Variants in VWA8 observed in about 807,000 individuals in gnomAD.
VWA8 encodes von Willebrand factor A domain containing 8, also known as von Willebrand factor A domain-containing protein 8.
A neutral mutation model predicts 241.5 loss-of-function variants in VWA8; 221 were observed. That is an observed-to-expected ratio of 0.91 (90% CI 0.82 to 1.02). The LOEUF is 1.02. Ranked by LOEUF, VWA8 falls within the 50% of genes least tolerant of loss-of-function variation. VWA8 has a pLI of 0.00. For missense variants in VWA8, 2,322 were observed against 2,328.7 expected, an observed-to-expected ratio of 1.00 and a Z score of 0.06; for synonymous variants, 852 against 827.1, an observed-to-expected ratio of 1.03 and a Z score of -0.52.
intron 12 of VWA8, among the ~76,000 whole-genome samples, chr13:41,862,099 ACC>A (rs1873033301): frequency 6.6e-6 from 1 of 152,144 alleles, no homozygotes; most frequent in Non-Finnish European, 1.5e-5. Context: ...AAAAACAGAT[ACC>A]TAGACCAATG....
chr13:41,864,157 A>G (rs1044370991), intron 12 of VWA8, among the ~76,000 whole-genome samples: 2 of 151,794 alleles, frequency 1.3e-5, no homozygotes, highest in Admixed American at 6.6e-5. Context: ...AAAAAAAAAA[A>G]AAGAAAGAAA....
chr13:41,795,820 A>C (rs1869673033), intron 17 of VWA8, among the ~76,000 whole-genome samples: 1 of 152,138 alleles, frequency 6.6e-6, no homozygotes, highest in Non-Finnish European at 1.5e-5. Flanking sequence ...GGAGAGCATC[A>C]GGAAGAATAG....
chr13:41,922,452 A>G (rs193007363), intron 2 of VWA8, among the ~76,000 whole-genome samples: 60 of 152,362 alleles, frequency 3.9e-4, no homozygotes, highest in East Asian at 9.6e-4. Flanking sequence ...ATTAAACTAA[A>G]TACCTTCTGC....
chr13:41,778,877 T>C (rs2137930615), intron 19 of VWA8, among the ~76,000 whole-genome samples: 1 of 137,666 alleles, frequency 7.3e-6, no homozygotes, highest in East Asian at 2.4e-4. Context: ...AGTCTTACTC[T>C]ATCGCCCAGG....
At chr13:41,834,633 G>T (rs538714742) in intron 12 of VWA8, among the ~76,000 whole-genome samples, 24 of 152,276 alleles carry the variant, frequency 1.6e-4, no homozygotes, top group African/African-American at 5.3e-4. Context: ...TACACTGTTG[G>T]GAGTGTAAAT....
intron 4 of VWA8, among the ~76,000 whole-genome samples, chr13:41,898,378 A>G (rs1875239322): frequency 6.6e-6 from 1 of 152,150 alleles, no homozygotes; most frequent in Non-Finnish European, 1.5e-5. Context: ...CCACCAGAGC[A>G]GCTAGATACA....
intron 2 of VWA8, among the ~76,000 whole-genome samples, chr13:41,940,797 C>A (rs1877562000): frequency 6.6e-6 from 1 of 152,104 alleles, no homozygotes; most frequent in African/African-American, 2.4e-5. Context: ...AGAAACAATG[C>A]AACAATTTAC....
intron 17 of VWA8, among the ~76,000 whole-genome samples, chr13:41,800,810 A>AAAC (rs1593780849): frequency 6.7e-6 from 1 of 150,246 alleles, no homozygotes; most frequent in African/African-American, 2.4e-5. Flanking sequence ...AAAAAAAAAA[A>AAAC]CACCGTGTTT....
In VWA8 at chr13:41,907,573, T is replaced by C. The variant is rs1421162122; in HGVS notation, c.483+13A>G. Reference sequence around the variant, plus strand: ...GAGTACACAGTCATGGGCTAGAGTGTGACAGAACTTGCCTGATCAATGTAA... The same window carrying C: ...GAGTACACAGTCATGGGCTAGAGTGCGACAGAACTTGCCTGATCAATGTAA... On this transcript the variant is annotated intron_variant, in intron 4 of 44. Coordinates refer to ENST00000379310, the MANE Select transcript of VWA8 (RefSeq NM_015058.2). 1.2e-6 allele frequency: 2 copies of C among 1,611,896 alleles called. No homozygotes were observed. The highest frequency in any genetic ancestry group is 1.7e-6 in the Non-Finnish European group (2 of 1,178,120).
chr13:41,882,676 C>T (rs1216841670), intron 9 of VWA8, among the ~76,000 whole-genome samples: 1 of 152,208 alleles, frequency 6.6e-6, no homozygotes, highest in East Asian at 1.9e-4. Context: ...TGGCGTCGCG[C>T]GCCTGCAATC....
At chr13:41,757,096 C>T (rs886731795) in intron 21 of VWA8, among the ~76,000 whole-genome samples, 1 of 151,436 alleles carries the variant, frequency 6.6e-6, no homozygotes, top group African/African-American at 2.4e-5. Context: ...ATATTTCCAA[C>T]TTTATCCATG....
chr13:41,789,496 T>C (rs1869356861), intron 17 of VWA8, among the ~76,000 whole-genome samples: 2 of 152,172 alleles, frequency 1.3e-5, no homozygotes, highest in Admixed American at 6.5e-5. Flanking sequence ...AAAGCTCTAG[T>C]CTCATTAGGT....
chr13:41,826,071 C>T (rs985524073), intron 14 of VWA8, among the ~76,000 whole-genome samples: 5 of 151,996 alleles, frequency 3.3e-5, no homozygotes, highest in African/African-American at 1.2e-4. Context: ...TATTATAACC[C>T]TAAAAAAGAA....
At chr13:41,791,004 T>C (rs1270655721) in intron 17 of VWA8, among the ~76,000 whole-genome samples, 2 of 152,026 alleles carry the variant, frequency 1.3e-5, no homozygotes, top group African/African-American at 4.8e-5. Context: ...ATAATTTATC[T>C]TGATTTTTGT....
At chr13:41,730,545 A>G (rs898062257) in intron 22 of VWA8, among the ~76,000 whole-genome samples, 6 of 152,138 alleles carry the variant, frequency 3.9e-5, no homozygotes, top group Non-Finnish European at 5.9e-5. Context: ...GTAGGGACAG[A>G]ATCTATAGTC....
intron 35 of VWA8, among the ~76,000 whole-genome samples, chr13:41,675,713 T>C (rs2045055950): frequency 6.6e-6 from 1 of 152,084 alleles, no homozygotes; most frequent in Admixed American, 6.5e-5. Flanking sequence ...CTGTGTTAGG[T>C]TGGTCAAGTT....
At chr13:41,761,370 T>C (rs2045738816) in intron 20 of VWA8, among the ~76,000 whole-genome samples, 166 bp from the exon 21 acceptor site, 1 of 152,070 alleles carries the variant, frequency 6.6e-6, no homozygotes, top group South Asian at 2.1e-4. Context: ...ATATCTCCTA[T>C]GACATAAGGG....
At chr13:41,814,027 A>G (rs927118983) in intron 16 of VWA8, among the ~76,000 whole-genome samples, 1 of 152,194 alleles carries the variant, frequency 6.6e-6, no homozygotes, top group Non-Finnish European at 1.5e-5. Flanking sequence ...CTCATCAGAA[A>G]TTATTAAACA....
chr13:41,727,200 T>C lies in VWA8; in HGVS notation c.2752A>G (p.Thr918Ala). 1 of 1,544,032 alleles carries C rather than the reference T, an allele frequency of 6.5e-7. No individual in the cohort carries two copies. The highest frequency in any genetic ancestry group is 2.5e-5 in the East Asian group (1 of 40,652). Residue 918 changes from threonine to alanine, a missense_variant, in exon 24 of 45, where the codon ACC becomes GCC. Physicochemically the swap from Thr to Ala is moderately conservative, Grantham distance 58. Coordinates refer to ENST00000379310, the MANE Select transcript of VWA8 (RefSeq NM_015058.2). ...TTATCATTACTGTTTTTACCTAAGG[T>C]ACCGAAGAAATCATTGCCTAGGAAA... ...FPFLGNDFFG[T>A]LGDIFSCHAV...
Sources: gnomAD v4.1 joint callset for allele counts (sites outside exome capture counted in the v4.1 genomes callset) on GRCh38, gnomAD v4.1.1 for gene constraint, MANE v1.5 for transcripts, NCBI Gene and HGNC (gene_info 2026-07-23, HGNC 2026-07-21) for gene names.